The following AUTS2 variants were observed in gnomAD, a reference collection of about 807,000 sequenced individuals.
The protein encoded by AUTS2 is autism susceptibility gene 2 protein.
In AUTS2, 17 loss-of-function variants were observed where a neutral mutation model predicts 112.4. The ratio of observed to expected loss-of-function variants is 0.15; its 90% confidence interval spans 0.10 to 0.23. AUTS2 has a LOEUF of 0.23. AUTS2 is among the 10% of genes least tolerant of loss of function. The pLI, the probability that AUTS2 is intolerant of heterozygous loss-of-function variation, is 1.00. For missense variants in AUTS2, 1,510 were observed against 1,701.6 expected (o/e 0.89, Z 1.98); for synonymous variants, 751 against 702.7 (o/e 1.07, Z -1.09).
At chr7:69,952,327 G>A (rs149150141) in intron 2 of AUTS2, among the ~76,000 whole-genome samples, 244 of 152,284 alleles carry the variant, frequency 1.6e-3, no homozygotes, top group African/African-American at 5.6e-3. Flanking sequence ...AGATGTTAAT[G>A]TGATTCCAAA....
chr7:69,755,883 A>C (rs1285067666), intron 1 of AUTS2, among the ~76,000 whole-genome samples: 1 of 152,130 alleles, frequency 6.6e-6, no homozygotes, highest in African/African-American at 2.4e-5. Flanking sequence ...AAGGCCATGG[A>C]CTGAAAAGAT....
intron 6 of AUTS2, among the ~76,000 whole-genome samples, chr7:70,724,041 G>T (rs182697218): frequency 1.3e-5 from 2 of 151,862 alleles, no homozygotes; most frequent in African/African-American, 4.8e-5. Flanking sequence ...ATGGGCACCT[G>T]CCACCACACC....
rs184274555 is a variant in AUTS2 at position 70,687,111 on chromosome 7, A to T, written c.691-11458A>T. On this transcript the variant is annotated intron_variant, in intron 5 of 18. Coordinates refer to ENST00000342771, the MANE Select transcript of AUTS2 (RefSeq NM_015570.4). ...CAGGTGTTGGATACATGAGCCGGTA[A>T]CTAAGGCAGGATGCGTACCTGGACT... Among the ~76,000 whole-genome samples the T allele has an allele frequency of 3.4e-3, 521 of 152,322 alleles. 3 individuals are homozygous for T. Among genetic ancestry groups the T allele is most frequent in the African/African-American group, 0.012 (484 of 41,576 alleles).
intron 5 of AUTS2, among the ~76,000 whole-genome samples, chr7:70,491,589 T>TTGTGTG (rs71077660): frequency 0.052 from 7,169 of 138,708 alleles, 240 homozygotes; most frequent in African/African-American, 0.065. Context: ...TGTATATATA[T>TTGTGTG]TGTGTGTGTG....
At chr7:70,666,918 A>C (rs891219800) in intron 5 of AUTS2, among the ~76,000 whole-genome samples, 1 of 151,412 alleles carries the variant, frequency 6.6e-6, no homozygotes, top group Admixed American at 6.6e-5. Flanking sequence ...CAGAAAGAAT[A>C]GAGAATGATG....
chr7:69,870,180 T>C (rs1168953511), intron 1 of AUTS2, among the ~76,000 whole-genome samples: 1 of 151,988 alleles, frequency 6.6e-6, no homozygotes, highest in Non-Finnish European at 1.5e-5. Flanking sequence ...TGTTGATATT[T>C]GGTCCCTGCC....
Position 70,221,779 on chromosome 7 carries a change from C to T in AUTS2, c.660+87208C>T, listed in dbSNP as rs138994081. Among the ~76,000 whole-genome samples the T allele has an allele frequency of 3.2e-3, 482 of 152,144 alleles. 14 individuals carry two copies. The South Asian group carries it at 0.053, about 17-fold the overall frequency. The stretch of plus-strand genomic sequence containing the variant: ...GTGGGCATCTGTAATCCCAGCTACT[C>T]GGGAGGCTGAGGCCGGAGAATTACT... On this transcript the variant is annotated intron_variant, in intron 4 of 18. Transcript: ENST00000342771.
At chr7:70,610,092 TGG>T (rs1804007911) in intron 5 of AUTS2, among the ~76,000 whole-genome samples, 1 of 152,032 alleles carries the variant, frequency 6.6e-6, no homozygotes, top group Non-Finnish European at 1.5e-5. Flanking sequence ...CTCCACCTCC[TGG>T]GTTAAAGCGA....
At chr7:70,639,990 GA>G (rs35749841) in intron 5 of AUTS2, among the ~76,000 whole-genome samples, 71,059 of 151,944 alleles carry the variant, frequency 0.47, 17,463 homozygotes, top group East Asian at 0.84. Flanking sequence ...AGGAAAATTT[GA>G]AAACATTACG....
At chr7:70,369,209 C>G (rs2129629737) in intron 4 of AUTS2, among the ~76,000 whole-genome samples, 1 of 152,264 alleles carries the variant, frequency 6.6e-6, no homozygotes, top group South Asian at 2.1e-4. Context: ...ACATCTATCC[C>G]TGGAAATAAA....
At position 69,599,483 on chromosome 7, in the gene AUTS2, CCT is replaced by C. The variant is rs144481048; in HGVS notation, c.-166_-165del. The C allele has an allele frequency of 8.1e-4, 422 of 518,124 alleles. 2 individuals are homozygous for C. The East Asian group carries it at 0.015, about 18-fold the overall frequency. The allele number at this position is 518,124 out of a possible 1,614,324, so 32.1% of individuals were successfully genotyped here. On this transcript the variant is annotated 5_prime_UTR_variant, in exon 1 of 19. Transcript: ENST00000342771. This position sits in a 1 kb window ranked among gnomAD's most constrained non-coding sequence, Gnocchi z 7.0. ...TCCGCCCCTTCCCCCTTTTCTTTCTCCTCTCTTTCTTCCCCTCTCTCCCTTCT... is the reference window on the plus strand; with the variant it reads ...TCCGCCCCTTCCCCCTTTTCTTTCTCCTCTTTCTTCCCCTCTCTCCCTTCT...
chr7:69,976,787 T>G (rs952377209), intron 2 of AUTS2, among the ~76,000 whole-genome samples: 6 of 152,190 alleles, frequency 3.9e-5, no homozygotes, highest in African/African-American at 1.4e-4. Context: ...TTTAATCAGT[T>G]ATTTGTTTTT....
chr7:69,757,486 T>A (rs1483689238), intron 1 of AUTS2, among the ~76,000 whole-genome samples: 1 of 152,220 alleles, frequency 6.6e-6, no homozygotes, highest in African/African-American at 2.4e-5. Context: ...AGTTATCATT[T>A]ATATCTCCTT....
chr7:70,477,597 C>T (rs970544484), intron 5 of AUTS2, among the ~76,000 whole-genome samples: 3 of 152,182 alleles, frequency 2.0e-5, no homozygotes, highest in Admixed American at 6.5e-5. Flanking sequence ...TCTGCTGGCA[C>T]GTACCTGATT....
intron 2 of AUTS2, among the ~76,000 whole-genome samples, chr7:70,108,025 A>AT (rs1804867056): frequency 6.6e-6 from 1 of 151,750 alleles, no homozygotes; most frequent in Non-Finnish European, 1.5e-5. Flanking sequence ...AAAAAAAAAA[A>AT]GTTTAACTCT....
Position 69,918,712 on chromosome 7 carries a change from C to A in AUTS2, c.522+19214C>A, listed in dbSNP as rs527362616. Among the ~76,000 whole-genome samples, 8 of 152,262 alleles carry A rather than the reference C, an allele frequency of 5.3e-5. No individual in the cohort carries two copies. The South Asian group carries it at 1.7e-3, about 32-fold the overall frequency. ...TTGAGGTAACCACAGTATTATAGTTCCCCTGGCATAATTATTCCGTATTTT... is the reference window on the plus strand; with the variant it reads ...TTGAGGTAACCACAGTATTATAGTTACCCTGGCATAATTATTCCGTATTTT... On this transcript the variant is annotated intron_variant, in intron 2 of 18. Coordinates refer to ENST00000342771, the MANE Select transcript of AUTS2 (RefSeq NM_015570.4).
chr7:69,790,225 A>G (rs143056912), intron 1 of AUTS2, among the ~76,000 whole-genome samples: 155 of 152,346 alleles, frequency 1.0e-3, no homozygotes, highest in African/African-American at 3.5e-3. Context: ...CTGGAGGTCA[A>G]TGCTGCAGTC....
At chr7:70,529,236 A>G (rs1451623679) in intron 5 of AUTS2, among the ~76,000 whole-genome samples, 1 of 152,232 alleles carries the variant, frequency 6.6e-6, no homozygotes, top group Non-Finnish European at 1.5e-5. Context: ...TGGAATAAAG[A>G]ACCAAAATCA....
chr7:70,737,430 A>G (rs1585599800), intron 6 of AUTS2, among the ~76,000 whole-genome samples: 2 of 152,220 alleles, frequency 1.3e-5, no homozygotes. Flanking sequence ...AGTCAGAAGG[A>G]ATTTATTTTT....
Sources: allele counts gnomAD v4.1 joint callset (sites outside exome capture counted in the v4.1 genomes callset), GRCh38; gene constraint gnomAD v4.1.1; non-coding constraint Gnocchi (gnomAD v3.1); transcripts MANE v1.5; gene names NCBI Gene and HGNC (gene_info 2026-07-23, HGNC 2026-07-21).